The following DOCK1 variants were observed in gnomAD, a reference collection of about 807,000 sequenced individuals.
The protein encoded by DOCK1 is dedicator of cytokinesis 1, also known as dedicator of cytokinesis protein 1.
A neutral mutation model predicts 262.7 loss-of-function variants in DOCK1; 138 were observed. The observed-to-expected ratio is 0.53, with a 90% CI of 0.46 to 0.61. The LOEUF is 0.61. Among genes scored for constraint, DOCK1 ranks in the 20% least tolerant of loss-of-function variants. DOCK1 has a pLI of 0.00. For synonymous variants in DOCK1, 866 were observed against 867.4 expected (o/e 1.00, Z 0.03); for missense variants, 1,908 against 2,370.7 (o/e 0.80, Z 4.05).
At chr10:126,916,314 C>A (rs2032487511) in intron 1 of DOCK1, among the ~76,000 whole-genome samples, 1 of 152,154 alleles carries the variant, frequency 6.6e-6, no homozygotes, top group African/African-American at 2.4e-5. Context: ...ATATTAACTT[C>A]TTATAGAGAA....
rs138437167 is a variant in DOCK1, at chr10:127,370,559, T to C, written c.3433-3222T>C. Among the ~76,000 whole-genome samples the C allele has an allele frequency of 1.2e-3, 183 of 152,330 alleles. 1 individual carries two copies. Among genetic ancestry groups the C allele is most frequent in the African/African-American group, 3.9e-3 (161 of 41,572 alleles). On this transcript the variant is annotated intron_variant, in intron 33 of 51. Transcript: ENST00000623213. ...TAAATCTCACCCAAAACAAAAATTA[T>C]GCGTTCCAAACCAAATATAATTGGC...
At position 127,012,421 on chromosome 10, in the gene DOCK1, T is replaced by C. The variant is rs1890872; in HGVS notation, c.1201+47T>C. 325,548 of 1,579,046 alleles carry C rather than the reference T, an allele frequency of 0.21. 34,570 individuals are homozygous for C. The highest frequency in any genetic ancestry group is 0.22 in the Non-Finnish European group (249,761 of 1,149,764). The stretch of plus-strand genomic sequence containing the variant: ...TTCTATCAGCGTGTATTTGCATGCG[T>C]TGGGGCAGTGCTGTCTGGGTTGGTT... On this transcript the variant is annotated intron_variant, in intron 12 of 51. Transcript: ENST00000623213. This position sits in a 1 kb window ranked among gnomAD's most constrained non-coding sequence, Gnocchi z 4.0.
intron 29 of DOCK1, among the ~76,000 whole-genome samples, chr10:127,280,859 G>A (rs1319810791): frequency 1.3e-5 from 2 of 152,024 alleles, no homozygotes; most frequent in East Asian, 3.9e-4. Flanking sequence ...AAGAACATCG[G>A]AATATTTTCA....
intron 27 of DOCK1, among the ~76,000 whole-genome samples, chr10:127,184,313 T>C (rs1589825687): frequency 6.7e-6 from 1 of 148,344 alleles, no homozygotes; most frequent in Non-Finnish European, 1.5e-5. Context: ...CTCAATTCAT[T>C]CCCCCCCCAG....
intron 32 of DOCK1, among the ~76,000 whole-genome samples, chr10:127,360,515 A>G (rs1204402046): frequency 6.6e-6 from 1 of 152,232 alleles, no homozygotes; most frequent in African/African-American, 2.4e-5. Context: ...AACAAAAACC[A>G]TTGAAATTAA....
chr10:127,175,702 G>A lies in DOCK1; in HGVS notation c.2847+47938G>A, dbSNP rs372417174. Reference sequence around the variant, plus strand: ...GGCTCCTCGGAGTTTGGCCTCCCCCGGTCCTGCTTGGCCCTCCCGAGCAGC... The same window carrying A: ...GGCTCCTCGGAGTTTGGCCTCCCCCAGTCCTGCTTGGCCCTCCCGAGCAGC... On this transcript the variant is annotated intron_variant, in intron 27 of 51. Transcript: ENST00000623213. This position sits in a 1 kb window ranked among gnomAD's most constrained non-coding sequence, Gnocchi z 6.3. The A allele has an allele frequency of 6.8e-5, 109 of 1,613,698 alleles. No homozygotes were observed. Among genetic ancestry groups the A allele is most frequent in the East Asian group, 8.9e-5 (4 of 44,864 alleles).
intron 35 of DOCK1, among the ~76,000 whole-genome samples, chr10:127,375,503 A>G (rs2065438783): frequency 6.6e-6 from 1 of 152,240 alleles, no homozygotes; most frequent in East Asian, 1.9e-4. Context: ...CTTTATGCTC[A>G]TGGAAATGGA....
At chr10:127,216,155 C>T (rs2134386303) in intron 27 of DOCK1, among the ~76,000 whole-genome samples, 1 of 152,128 alleles carries the variant, frequency 6.6e-6, no homozygotes, top group African/African-American at 2.4e-5. Flanking sequence ...AGAATGTTTT[C>T]TAGAGAGGAT....
chr10:127,305,805 T>C (rs966182527), intron 29 of DOCK1, among the ~76,000 whole-genome samples: 6 of 152,218 alleles, frequency 3.9e-5, no homozygotes, highest in African/African-American at 1.4e-4. Context: ...TTGTTTCCTC[T>C]GATTTCAGAA....
chr10:126,964,506 T>C (rs2037513859), intron 1 of DOCK1, among the ~76,000 whole-genome samples: 1 of 152,178 alleles, frequency 6.6e-6, no homozygotes, highest in Non-Finnish European at 1.5e-5. Context: ...GCCTTTGTTT[T>C]CCCCAGCCCT....
intron 11 of DOCK1, among the ~76,000 whole-genome samples, chr10:127,011,791 T>G (rs1331271052): frequency 6.6e-6 from 1 of 152,188 alleles, no homozygotes; most frequent in East Asian, 1.9e-4. Context: ...GGGATTTTTT[T>G]TTTTTTAAAT....
At chr10:127,072,023 T>A (rs560649748) in intron 23 of DOCK1, among the ~76,000 whole-genome samples, 20 of 152,276 alleles carry the variant, frequency 1.3e-4, no homozygotes, top group African/African-American at 4.3e-4. Context: ...TATTTTCTTC[T>A]CCCACCCCTG....
At chr10:126,968,131 A>G (rs1349490050) in intron 1 of DOCK1, among the ~76,000 whole-genome samples, 1 of 152,144 alleles carries the variant, frequency 6.6e-6, no homozygotes, top group Non-Finnish European at 1.5e-5. Context: ...ACACCCGGCC[A>G]AGATGCTGAA....
intron 27 of DOCK1, among the ~76,000 whole-genome samples, chr10:127,164,793 T>C (rs1462387016): frequency 1.3e-5 from 2 of 152,204 alleles, no homozygotes; most frequent in African/African-American, 4.8e-5. Context: ...GGCTATATTA[T>C]AAACAGGGCA....
At chr10:127,297,344 A>G (rs2061537134) in intron 29 of DOCK1, among the ~76,000 whole-genome samples, 1 of 152,166 alleles carries the variant, frequency 6.6e-6, no homozygotes, top group Non-Finnish European at 1.5e-5. Context: ...GGAATGGATT[A>G]TACTGGCTGG....
At chr10:127,203,361 A>G (rs1053033302) in intron 27 of DOCK1, among the ~76,000 whole-genome samples, 25 of 152,342 alleles carry the variant, frequency 1.6e-4, no homozygotes, top group African/African-American at 6.0e-4. Context: ...CACACTGTGC[A>G]TATAATTCTA....
chr10:127,145,822 AG>A, intron 27 of DOCK1: 1 of 335,580 alleles, frequency 3.0e-6, no homozygotes, highest in South Asian at 2.3e-5. Context: ...TAAACGTAGC[AG>A]TGATAGTTCT....
At chr10:127,089,555 A>G (rs1401235334) in intron 23 of DOCK1, among the ~76,000 whole-genome samples, 1 of 152,006 alleles carries the variant, frequency 6.6e-6, no homozygotes, top group Non-Finnish European at 1.5e-5. Context: ...CCCCACACCT[A>G]AGATAATAGG....
chr10:127,020,414 G>A (rs2042328591), intron 13 of DOCK1, among the ~76,000 whole-genome samples: 2 of 151,956 alleles, frequency 1.3e-5, no homozygotes, highest in South Asian at 4.2e-4. Flanking sequence ...GTCTAGGCCC[G>A]GCGTGGTGGT....
Sources: gnomAD v4.1 joint callset for allele counts (sites outside exome capture counted in the v4.1 genomes callset) on GRCh38, gnomAD v4.1.1 for gene constraint, Gnocchi (gnomAD v3.1) non-coding constraint, MANE v1.5 for transcripts, NCBI Gene and HGNC (gene_info 2026-07-23, HGNC 2026-07-21) for gene names.